The following MAP4K5 variants were observed in gnomAD, a reference collection of about 807,000 sequenced individuals.
MAP4K5 encodes the protein mitogen-activated protein kinase kinase kinase kinase 5.
MAP4K5 carries 82 observed loss-of-function variants against 135.6 expected under a neutral mutation model. That is an observed-to-expected ratio of 0.60 (90% CI 0.51 to 0.73). The LOEUF (loss-of-function observed/expected upper bound fraction) is 0.73. MAP4K5 is among the 30% of genes least tolerant of loss of function. The probability of loss-of-function intolerance (pLI) is 0.00; values close to 1 mark genes in which losing one functional copy is unlikely to be tolerated. For synonymous variants in MAP4K5, 347 were observed against 335.0 expected (o/e 1.04, Z -0.39); for missense variants, 907 against 1,010.9 (o/e 0.90, Z 1.39).
At chr14:50,443,016 A>T (rs1370916399) in intron 20 of MAP4K5, among the ~76,000 whole-genome samples, 200 bp from the exon 21 acceptor site, 1 of 152,126 alleles carries the variant, frequency 6.6e-6, no homozygotes, top group Non-Finnish European at 1.5e-5. Context: ...TTTGTAATCC[A>T]CTATTTTATG....
rs777739979 is a variant in MAP4K5 at position 50,485,661 on chromosome 14, A to G, written c.258-19T>C. 1 of 1,420,964 alleles carries G rather than the reference A, an allele frequency of 7.0e-7. No individual in the cohort carries two copies. Among genetic ancestry groups the G allele is most frequent in the South Asian group, 1.3e-5 (1 of 79,152 alleles). 88.0% of individuals were successfully genotyped at this position (1,420,964 alleles called of 1,614,324 possible). A position where few individuals can be genotyped will look rare whatever the true frequency, so the allele number is the denominator to read the frequency against. On this transcript the variant is annotated intron_variant, in intron 4 of 32. Coordinates refer to ENST00000682126, the MANE Select transcript of MAP4K5 (RefSeq NM_006575.6). Reference sequence around the variant, plus strand: ...TTCCCGACTAATACAAAAAAAAAAGAAAATTATATTAGCTAGTAATTTTCA... The same window carrying G: ...TTCCCGACTAATACAAAAAAAAAAGGAAATTATATTAGCTAGTAATTTTCA...
In MAP4K5 at chr14:50,464,368, AATAG is replaced by A. The variant is rs757223523; in HGVS notation, c.738-239_738-236del. Among the ~76,000 whole-genome samples, 208 of 152,322 alleles carry A rather than the reference AATAG, an allele frequency of 1.4e-3. 2 individuals carry two copies. Among genetic ancestry groups the A allele is most frequent in the Non-Finnish European group, 1.2e-3 (79 of 68,036 alleles). ...CACAAAAATTACACTAACAATCAGA[AATAG>A]ATAGGCTGTGTCATTTATATATGAC... On this transcript the variant is annotated intron_variant, in intron 11 of 32. Transcript: ENST00000682126.
chr14:50,555,105 C>A (rs973049341), intron 1 of MAP4K5, among the ~76,000 whole-genome samples: 1 of 152,020 alleles, frequency 6.6e-6, no homozygotes, highest in Non-Finnish European at 1.5e-5. Flanking sequence ...TGGGTTGTAC[C>A]CTTAGAGAGA....
chr14:50,539,433 T>C (rs1441242786), intron 2 of MAP4K5, among the ~76,000 whole-genome samples: 1 of 152,226 alleles, frequency 6.6e-6, no homozygotes, highest in Admixed American at 6.5e-5. Context: ...TTGACAGCTT[T>C]GAAGAAATCC....
At chr14:50,560,109 C>G (rs1362703637) in intron 1 of MAP4K5, 5 of 811,270 alleles carry the variant, frequency 6.2e-6, no homozygotes, top group Non-Finnish European at 1.0e-5. Flanking sequence ...CCTTTTCCTC[C>G]CCACTCCTTC....
At chr14:50,425,804 C>T in intron 31 of MAP4K5, 103 bp downstream of exon 31, 2 of 730,856 alleles carry the variant, frequency 2.7e-6, no homozygotes, top group Admixed American at 2.4e-5. Context: ...ATTAAAAGCA[C>T]TAAACACAGT....
chr14:50,520,812 A>G (rs2038133628), intron 2 of MAP4K5, among the ~76,000 whole-genome samples: 2 of 145,690 alleles, frequency 1.4e-5, no homozygotes, highest in South Asian at 4.5e-4. Flanking sequence ...GGCTATCGGC[A>G]AAGTCATCTT....
chr14:50,514,211 G>A (rs1023842125), intron 2 of MAP4K5, among the ~76,000 whole-genome samples: 4 of 151,190 alleles, frequency 2.6e-5, no homozygotes, highest in African/African-American at 4.9e-5. Context: ...CTGAGTAGCC[G>A]GGACTAAGGC....
intron 3 of MAP4K5, among the ~76,000 whole-genome samples, chr14:50,490,130 A>AGTGTGT (rs34549753): frequency 0.013 from 1,578 of 121,238 alleles, 35 homozygotes; most frequent in African/African-American, 0.047. Flanking sequence ...AGCGAGTGAG[A>AGTGTGT]GTGTGTGTGT....
intron 1 of MAP4K5, among the ~76,000 whole-genome samples, chr14:50,543,718 A>G (rs2038594240): frequency 1.3e-5 from 2 of 152,210 alleles, no homozygotes; most frequent in South Asian, 4.1e-4. Context: ...CATCTACTCA[A>G]TATTCAGAAT....
At chr14:50,477,179 T>C (rs772569413) in intron 6 of MAP4K5, among the ~76,000 whole-genome samples, 13 of 152,202 alleles carry the variant, frequency 8.5e-5, no homozygotes, top group Non-Finnish European at 1.5e-4. Context: ...TAGTTTTCTG[T>C]ATGCAGGTGT....
At chr14:50,506,258 T>C (rs1321451765) in intron 2 of MAP4K5, among the ~76,000 whole-genome samples, 1 of 152,120 alleles carries the variant, frequency 6.6e-6, no homozygotes, top group Non-Finnish European at 1.5e-5. Flanking sequence ...GAGATCCTTT[T>C]AAAAATGACA....
rs1471020425 is a variant in MAP4K5 at position 50,553,178 on chromosome 14, C to G, written c.-180+7862G>C. On this transcript the variant is annotated intron_variant, in intron 1 of 8. Coordinates refer to the MAP4K5 transcript ENST00000555216. ...ATGCATGGTGGTGTGTGCCTGTAGT[C>G]ACAGCTACTCAGGAGGCTGAAGCAG... is the stretch of plus-strand genomic sequence containing the variant. 2.6e-5 allele frequency among the ~76,000 whole-genome samples: 4 copies of G among 150,982 alleles called. No individual in the cohort carries two copies. The East Asian group carries it at 5.8e-4, about 22-fold the overall frequency.
chr14:50,480,910 A>C (rs1209924066), intron 6 of MAP4K5, among the ~76,000 whole-genome samples: 1 of 152,224 alleles, frequency 6.6e-6, no homozygotes, highest in Non-Finnish European at 1.5e-5. Flanking sequence ...AAGGTACAGT[A>C]AAAATATAGT....
intron 2 of MAP4K5, among the ~76,000 whole-genome samples, 169 bp downstream of exon 2, chr14:50,531,773 A>C (rs971546235): frequency 1.3e-5 from 2 of 152,230 alleles, no homozygotes; most frequent in Non-Finnish European, 1.5e-5. Context: ...GATTAGAACA[A>C]GCCATGAGTC....
intron 2 of MAP4K5, among the ~76,000 whole-genome samples, chr14:50,520,205 A>T (rs990545747): frequency 1.3e-5 from 2 of 152,178 alleles, no homozygotes; most frequent in African/African-American, 4.8e-5. Flanking sequence ...TCTATTAAAA[A>T]TACAAAAATT....
upstream of MAP4K5, among the ~76,000 whole-genome samples, chr14:50,533,677 A>G (rs1214767658): frequency 6.6e-6 from 1 of 152,216 alleles, no homozygotes; most frequent in East Asian, 1.9e-4. Context: ...TGACTGAAAC[A>G]TCATAAAAGA....
chr14:50,514,888 C>T (rs2038001237), intron 2 of MAP4K5, among the ~76,000 whole-genome samples: 1 of 144,968 alleles, frequency 6.9e-6, no homozygotes, highest in South Asian at 2.2e-4. Flanking sequence ...CATATACTAA[C>T]TTCTTGGTCA....
chr14:50,509,771 C>G (rs896010897), intron 2 of MAP4K5, among the ~76,000 whole-genome samples: 9 of 151,658 alleles, frequency 5.9e-5, no homozygotes, highest in African/African-American at 2.2e-4. Context: ...ATGTCAGTAC[C>G]CTGGTTTTCC....
Sources: allele counts gnomAD v4.1 joint callset (sites outside exome capture counted in the v4.1 genomes callset), GRCh38; gene constraint gnomAD v4.1.1; transcripts MANE v1.5; gene names NCBI Gene and HGNC (gene_info 2026-07-23, HGNC 2026-07-21).